Variants in ELL observed in about 807,000 individuals in gnomAD.
ELL encodes RNA polymerase II elongation factor ELL.
In ELL, 18 loss-of-function variants were observed where a neutral mutation model predicts 64.0. The observed-to-expected ratio is 0.28, with a 90% CI of 0.19 to 0.42. The LOEUF is 0.42. ELL is among the 10% of genes least tolerant of loss of function. The pLI, the probability that ELL is intolerant of heterozygous loss-of-function variation, is 1.00. For synonymous variants in ELL, 399 were observed against 376.2 expected, an observed-to-expected ratio of 1.06 and a Z score of -0.70; for missense variants, 797 against 870.4, an observed-to-expected ratio of 0.92 and a Z score of 1.06.
chr19:18,446,439 T>C lies in ELL; in HGVS notation c.1574A>G (p.Tyr525Cys). 1 of 1,613,010 alleles carries C rather than the reference T, an allele frequency of 6.2e-7. No homozygotes were observed. Among genetic ancestry groups the C allele is most frequent in the South Asian group, 1.1e-5 (1 of 90,920 alleles). ...GTACTCGGCATTGAAGTCGTTCTTG[T>C]AGCTCTGGCGCTGCTCCGAAGAGGA... is the stretch of plus-strand genomic sequence containing the variant. ...AISSSEQRQSYKNDFNAEYSE... is the reference protein window; with the variant it reads ...AISSSEQRQSCKNDFNAEYSE... The change falls in exon 10 of 12, where the codon TAC becomes TGC. Residue 525 changes from tyrosine (Y) to cysteine (C), a missense_variant. Tyr to Cys is a radical substitution (Grantham distance 194). Transcript: ENST00000262809.
chr19:18,504,571 G>A (rs1253647045), intron 1 of ELL, among the ~76,000 whole-genome samples: 1 of 152,164 alleles, frequency 6.6e-6, no homozygotes, highest in African/African-American at 2.4e-5. Context: ...TCATTGGTCA[G>A]CAGAGGTTAG....
At position 18,458,485 on chromosome 19, in the gene ELL, G is replaced by A. The variant is rs73525115; in HGVS notation, c.745-156C>T. On this transcript the variant is annotated intron_variant, in intron 5 of 11. Transcript: ENST00000262809. The stretch of plus-strand genomic sequence containing the variant: ...AAAGAGGATGGCCCACTACCGATCC[G>A]TGATGTCTCCCACCCCCAGTTCCCC... 7.0e-3 allele frequency among the ~76,000 whole-genome samples: 1,065 copies of A among 152,198 alleles called. 12 individuals are homozygous for A. The highest frequency in any genetic ancestry group is 0.024 in the African/African-American group (983 of 41,538).
intron 6 of ELL, among the ~76,000 whole-genome samples, chr19:18,457,221 C>T (rs560189013): frequency 3.3e-5 from 5 of 152,322 alleles, no homozygotes; most frequent in Admixed American, 6.5e-5. Context: ...GGAAGCTCCC[C>T]GACGCCCCAG....
chr19:18,451,534 C>A lies in ELL; in HGVS notation c.966+18G>T, dbSNP rs1243101891. 4.7e-6 allele frequency: 7 copies of A among 1,473,702 alleles called. No homozygotes were observed. Among genetic ancestry groups the A allele is most frequent in the Non-Finnish European group, 6.2e-6 (7 of 1,120,614 alleles). 91.3% of individuals were successfully genotyped at this position (1,473,702 alleles called of 1,614,324 possible). On this transcript the variant is annotated intron_variant, in intron 7 of 11. Transcript: ENST00000262809. The stretch of plus-strand genomic sequence containing the variant: ...CTGCAGGTGCTTGGGACAGTCACCC[C>A]AGGCATGCCTCACTTACCTGTGGGG...
intron 1 of ELL, among the ~76,000 whole-genome samples, chr19:18,511,343 T>C (rs920102250): frequency 6.6e-6 from 1 of 151,644 alleles, no homozygotes; most frequent in South Asian, 2.1e-4. Context: ...GGCAGGAGAA[T>C]TGCTTCAACC....
intron 1 of ELL, among the ~76,000 whole-genome samples, chr19:18,493,356 G>A (rs548786275): frequency 6.6e-6 from 1 of 152,236 alleles, no homozygotes; most frequent in South Asian, 2.1e-4. Flanking sequence ...TGAGGGGCTT[G>A]CCCTGGGCCC....
At position 18,461,806 on chromosome 19, in the gene ELL, C is replaced by T. The variant is rs35328461; in HGVS notation, c.516G>A (p.Ala172=). The T allele has an allele frequency of 5.3e-5, 86 of 1,614,060 alleles. No individual in the cohort carries two copies. In the African/African-American group the frequency reaches 9.3e-4, roughly 18 times the overall value. The part of the protein sequence containing the change: ...FRKPAPGATD[A]VPSRKRATPI... ...GGGTTGCCCGCTTCCGGGAGGGCAC[C>T]GCGTCTGTTGCACCTGGGGCTGGTT... The change falls in exon 5 of 12, where the codon GCG becomes GCA. Residue 172 remains alanine (A), a synonymous_variant. Transcript: ENST00000262809.
At chr19:18,468,851 G>C (rs1425795182) in intron 2 of ELL, among the ~76,000 whole-genome samples, 1 of 152,220 alleles carries the variant, frequency 6.6e-6, no homozygotes, top group Non-Finnish European at 1.5e-5. Flanking sequence ...AGAGCTGGCA[G>C]TGAGACCAGG....
intron 1 of ELL, among the ~76,000 whole-genome samples, chr19:18,510,382 A>G (rs988615843): frequency 2.0e-5 from 3 of 152,234 alleles, no homozygotes; most frequent in Non-Finnish European, 4.4e-5. Flanking sequence ...CAAAACAAAA[A>G]GAGAAACCTG....
intron 1 of ELL, among the ~76,000 whole-genome samples, chr19:18,516,026 C>T (rs1303298513): frequency 6.6e-6 from 1 of 152,184 alleles, no homozygotes. Context: ...TAAAGAAGGC[C>T]TTCTCTGAAA....
At chr19:18,470,711 T>C (rs775549214) in intron 2 of ELL, among the ~76,000 whole-genome samples, 12 of 152,104 alleles carry the variant, frequency 7.9e-5, no homozygotes, top group Admixed American at 6.6e-5. Flanking sequence ...GTAAAGGAGA[T>C]GACCCTCGAT....
intron 1 of ELL, among the ~76,000 whole-genome samples, chr19:18,509,635 A>G (rs1393154164): frequency 4.6e-4 from 65 of 141,752 alleles, no homozygotes; most frequent in African/African-American, 1.7e-3. Flanking sequence ...ACACACACAC[A>G]CACACACACA....
rs554350995 is a variant in ELL at position 18,504,376 on chromosome 19, G to C, written c.135+17545C>G. On this transcript the variant is annotated intron_variant, in intron 1 of 11. Coordinates refer to ENST00000262809, the MANE Select transcript of ELL (RefSeq NM_006532.4). ...ACATCCTGATTGAAATCCATGACGC[G>C]TGGCTTGCTTTGCTAAATTTCCCCT... Among the ~76,000 whole-genome samples, 5 of 152,296 alleles carry C rather than the reference G, an allele frequency of 3.3e-5. No individual in the cohort carries two copies. The South Asian group carries it at 1.0e-3, about 32-fold the overall frequency.
At chr19:18,481,967 C>T (rs1975307648) in intron 1 of ELL, among the ~76,000 whole-genome samples, 1 of 152,092 alleles carries the variant, frequency 6.6e-6, no homozygotes, top group African/African-American at 2.4e-5. Context: ...TTTGTACTGC[C>T]GCCGGCAGCG....
chr19:18,513,224 G>A (rs1226926434), intron 1 of ELL, among the ~76,000 whole-genome samples: 2 of 152,182 alleles, frequency 1.3e-5, no homozygotes, highest in Non-Finnish European at 2.9e-5. Flanking sequence ...GGCCTGTGCT[G>A]GGTCACCTGC....
At chr19:18,515,430 T>C (rs527543976) in intron 1 of ELL, among the ~76,000 whole-genome samples, 1 of 152,358 alleles carries the variant, frequency 6.6e-6, no homozygotes, top group East Asian at 1.9e-4. Context: ...ACTTGGATTC[T>C]GAGTTCTCAG....
chr19:18,487,350 G>C (rs988894273), intron 1 of ELL, among the ~76,000 whole-genome samples: 36 of 152,352 alleles, frequency 2.4e-4, no homozygotes, highest in African/African-American at 7.0e-4. Context: ...TGCCACGAGA[G>C]CCAGGCCCCA....
chr19:18,511,536 C>T (rs530722080), intron 1 of ELL, among the ~76,000 whole-genome samples: 187 of 152,266 alleles, frequency 1.2e-3, no homozygotes, highest in Non-Finnish European at 1.4e-3. Flanking sequence ...AACCCAAATG[C>T]CCATGGACAG....
chr19:18,469,364 C>A (rs1414502314), intron 2 of ELL, among the ~76,000 whole-genome samples: 1 of 152,216 alleles, frequency 6.6e-6, no homozygotes, highest in Non-Finnish European at 1.5e-5. Flanking sequence ...AGCCCGGGAC[C>A]GTGGGGAAGC....
Sources: gnomAD v4.1 joint callset for allele counts (sites outside exome capture counted in the v4.1 genomes callset) on GRCh38, gnomAD v4.1.1 for gene constraint, MANE v1.5 for transcripts, NCBI Gene and HGNC (gene_info 2026-07-23, HGNC 2026-07-21) for gene names.